PDLIM5: variants seen among roughly 807,000 people sequenced by gnomAD.
The protein encoded by PDLIM5 is PDZ and LIM domain 5, also known as PDZ and LIM domain protein 5.
A neutral mutation model predicts 64.2 loss-of-function variants in PDLIM5; 34 were observed. The observed-to-expected ratio is 0.53, with a 90% CI of 0.40 to 0.71. The LOEUF is 0.71. PDLIM5 is among the 30% of genes least tolerant of loss of function. The pLI is 0.00. For synonymous variants in PDLIM5, 253 were observed against 269.1 expected, an observed-to-expected ratio of 0.94 and a Z score of 0.59; for missense variants, 683 against 733.6, an observed-to-expected ratio of 0.93 and a Z score of 0.80.
At position 94,664,218 on chromosome 4, in the gene PDLIM5, AGG is replaced by A; in HGVS notation, c.*152_*153del. On this transcript the variant is annotated 3_prime_UTR_variant, in exon 13 of 13. Transcript: ENST00000317968. ...ATTCCAGCTTTAAAAACCAAGTCTG[AGG>A]AAATATTTGGCTTCATAAAGTAAAG... is the stretch of plus-strand genomic sequence containing the variant. The A allele has an allele frequency of 8.3e-7, 1 of 1,209,130 alleles. No individual in the cohort carries two copies. Among genetic ancestry groups the A allele is most frequent in the Non-Finnish European group, 1.0e-6 (1 of 963,420 alleles). 74.9% of individuals were successfully genotyped at this position (1,209,130 alleles called of 1,614,324 possible).
intron 3 of PDLIM5, among the ~76,000 whole-genome samples, chr4:94,559,653 G>A (rs1733667873): frequency 6.6e-6 from 1 of 152,190 alleles, no homozygotes; most frequent in Non-Finnish European, 1.5e-5. Context: ...CTGGAACAAA[G>A]ATTATAATGC....
intron 2 of PDLIM5, among the ~76,000 whole-genome samples, chr4:94,478,274 G>T (rs966853341): frequency 1.4e-5 from 2 of 142,070 alleles, no homozygotes; most frequent in African/African-American, 5.4e-5. Context: ...AAAAAAAAAA[G>T]AATATAGTAT....
intron 2 of PDLIM5, among the ~76,000 whole-genome samples, chr4:94,485,327 C>CT (rs3838639): frequency 0.39 from 59,816 of 152,014 alleles, 12,337 homozygotes; most frequent in Non-Finnish European, 0.47. Context: ...TCACCATTTA[C>CT]TCGTGTTAGC....
At chr4:94,488,649 T>A (rs984759955) in intron 2 of PDLIM5, among the ~76,000 whole-genome samples, 1 of 152,180 alleles carries the variant, frequency 6.6e-6, no homozygotes, top group Non-Finnish European at 1.5e-5. Flanking sequence ...AAAACACATA[T>A]CCATAAAAAC....
intron 9 of PDLIM5, among the ~76,000 whole-genome samples, chr4:94,642,139 T>C (rs1320877172): frequency 6.6e-6 from 1 of 152,230 alleles, no homozygotes; most frequent in African/African-American, 2.4e-5. Context: ...TACAGTACTT[T>C]GGTTGCCTAG....
intron 2 of PDLIM5, among the ~76,000 whole-genome samples, chr4:94,473,877 G>A (rs1260434350): frequency 6.6e-6 from 1 of 152,186 alleles, no homozygotes; most frequent in African/African-American, 2.4e-5. Flanking sequence ...TGAATGAGAA[G>A]TGGAGTCAGA....
At chr4:94,576,804 A>G (rs545448233) in intron 5 of PDLIM5, among the ~76,000 whole-genome samples, 103 of 152,268 alleles carry the variant, frequency 6.8e-4, no homozygotes, top group Non-Finnish European at 1.3e-3. Flanking sequence ...GGTTGAAGTT[A>G]TTAACTTATT....
At chr4:94,519,025 A>T (rs941472940) in intron 2 of PDLIM5, among the ~76,000 whole-genome samples, 3 of 152,220 alleles carry the variant, frequency 2.0e-5, no homozygotes, top group Non-Finnish European at 4.4e-5. Flanking sequence ...ACAAGAGGCC[A>T]CCATTCTTTA....
At chr4:94,532,819 T>C (rs1731007338) in intron 3 of PDLIM5, among the ~76,000 whole-genome samples, 2 of 152,038 alleles carry the variant, frequency 1.3e-5, no homozygotes, top group Non-Finnish European at 2.9e-5. Flanking sequence ...ACCAACATGG[T>C]GAAACCCCGT....
chr4:94,483,738 A>G (rs1726073827), intron 2 of PDLIM5, among the ~76,000 whole-genome samples: 1 of 152,174 alleles, frequency 6.6e-6, no homozygotes, highest in African/African-American at 2.4e-5. Context: ...TCCATATCCC[A>G]GATATGTCAT....
chr4:94,518,625 G>A (rs1729566992), intron 2 of PDLIM5, among the ~76,000 whole-genome samples: 1 of 152,088 alleles, frequency 6.6e-6, no homozygotes, highest in South Asian at 2.1e-4. Context: ...AAATTTACTC[G>A]AAATTATAGT....
chr4:94,582,614 T>G, intron 5 of PDLIM5: 1 of 695,740 alleles, frequency 1.4e-6, no homozygotes, highest in Non-Finnish European at 2.5e-6. Context: ...TCTTTTCTTT[T>G]TCTTCTTTTC....
At chr4:94,534,349 C>T (rs1478192509) in intron 3 of PDLIM5, among the ~76,000 whole-genome samples, 1 of 152,104 alleles carries the variant, frequency 6.6e-6, no homozygotes, top group Non-Finnish European at 1.5e-5. Flanking sequence ...TCTTTTAAAA[C>T]CCTTCCTCAG....
intron 11 of PDLIM5, among the ~76,000 whole-genome samples, chr4:94,659,728 C>A (rs554390868): frequency 6.6e-6 from 1 of 151,784 alleles, no homozygotes; most frequent in Non-Finnish European, 1.5e-5. Context: ...CGGGGTTTCA[C>A]CATGTTAGCC....
chr4:94,629,043 A>G (rs1265514070), intron 8 of PDLIM5, among the ~76,000 whole-genome samples: 1 of 152,126 alleles, frequency 6.6e-6, no homozygotes, highest in Non-Finnish European at 1.5e-5. Flanking sequence ...TGGAACAGTG[A>G]TATTAAGATG....
Position 94,585,533 on chromosome 4 carries a change from A to G in PDLIM5, c.711-32A>G, listed in dbSNP as rs184423510. 6.4e-6 allele frequency: 9 copies of G among 1,415,298 alleles called. No individual in the cohort carries two copies. The East Asian group carries it at 1.9e-4, about 30-fold the overall frequency. 87.7% of individuals were successfully genotyped at this position (1,415,298 alleles called of 1,614,324 possible). ...TTTATCCTTTTAATATAACTTTACA[A>G]TTTTTAATTTTTTTTTTCTCCTTAA... On this transcript the variant is annotated intron_variant, in intron 5 of 12. Coordinates refer to ENST00000317968, the MANE Select transcript of PDLIM5 (RefSeq NM_006457.5).
At chr4:94,453,255 A>C (rs1057440903) in intron 1 of PDLIM5, among the ~76,000 whole-genome samples, 1 of 152,174 alleles carries the variant, frequency 6.6e-6, no homozygotes, top group Non-Finnish European at 1.5e-5. Context: ...TAATAACCAG[A>C]TGGAGGAGTC....
chr4:94,472,971 G>C (rs973479684), intron 2 of PDLIM5, among the ~76,000 whole-genome samples: 4 of 152,166 alleles, frequency 2.6e-5, no homozygotes, highest in Non-Finnish European at 4.4e-5. Flanking sequence ...GTGAAGAAGA[G>C]ACAGTAAACA....
intron 9 of PDLIM5, among the ~76,000 whole-genome samples, chr4:94,649,130 C>T (rs1275434782): frequency 6.6e-6 from 1 of 152,084 alleles, no homozygotes. Flanking sequence ...CACGTGCCAC[C>T]ATGCCCAGCT....
Sources: gnomAD v4.1 joint callset for allele counts (sites outside exome capture counted in the v4.1 genomes callset) on GRCh38, gnomAD v4.1.1 for gene constraint, MANE v1.5 for transcripts, NCBI Gene and HGNC (gene_info 2026-07-23, HGNC 2026-07-21) for gene names.